Variants in U2AF2 observed in about 807,000 individuals in gnomAD.
U2AF2 encodes splicing factor U2AF 65 kDa subunit.
A neutral mutation model predicts 52.6 loss-of-function variants in U2AF2; 6 were observed. That is an observed-to-expected ratio of 0.11 (90% CI 0.06 to 0.23). The LOEUF (loss-of-function observed/expected upper bound fraction) is 0.23, where lower values mean the gene tolerates loss of function less well. Ranked by LOEUF, U2AF2 falls within the 10% of genes least tolerant of loss-of-function variation. The probability of loss-of-function intolerance (pLI) is 1.00; values close to 1 mark genes in which losing one functional copy is unlikely to be tolerated. For synonymous variants in U2AF2, 284 were observed against 258.2 expected (o/e 1.10, Z -0.96); for missense variants, 222 against 677.1 (o/e 0.33, Z 7.46).
chr19:55,665,692 A>G (rs1286690502), intron 7 of U2AF2, among the ~76,000 whole-genome samples: 2 of 152,200 alleles, frequency 1.3e-5, no homozygotes, highest in Non-Finnish European at 2.9e-5. Flanking sequence ...TGTGTTGCCC[A>G]GGCTGGAGTG....
intron 11 of U2AF2, among the ~76,000 whole-genome samples, chr19:55,670,291 C>G (rs988502239): frequency 6.6e-6 from 1 of 152,092 alleles, no homozygotes; most frequent in South Asian, 2.1e-4. Context: ...ATCACCTCAC[C>G]TCTCTGCCTC....
chr19:55,667,444 G>GT lies in U2AF2; in HGVS notation c.743-1061dup, dbSNP rs1984615229. ...CTGATATCTGACAGGACGGCGTCAA[G>GT]TTACATTGGCAGAGCCTGTGGGGTC... On this transcript the variant is annotated intron_variant, in intron 7 of 11. Transcript: ENST00000308924. Among the ~76,000 whole-genome samples, 3 of 152,280 alleles carry GT rather than the reference G, an allele frequency of 2.0e-5. No homozygotes were observed. In the South Asian group the frequency reaches 6.2e-4, roughly 32 times the overall value.
intron 11 of U2AF2, among the ~76,000 whole-genome samples, chr19:55,672,599 T>A (rs1477191449): frequency 3.3e-5 from 5 of 152,198 alleles, no homozygotes; most frequent in African/African-American, 1.2e-4. Flanking sequence ...CCTCCTCCAG[T>A]TGACAACCAC....
At position 55,668,937 on chromosome 19, in the gene U2AF2, A is replaced by G. The variant is rs1056520338; in HGVS notation, c.945+145A>G. On this transcript the variant is annotated intron_variant, in intron 9 of 11. Transcript: ENST00000308924. The surrounding 1 kb of genome is among the most constrained non-coding windows in gnomAD (Gnocchi z 5.5). ...CTGTGTGTGGGCTCGTCCCTGTCCC[A>G]TGGCGTTGGCTTTTTCCAGGCTCTT... is the stretch of plus-strand genomic sequence containing the variant. 2.0e-5 allele frequency: 30 copies of G among 1,499,018 alleles called. No individual in the cohort carries two copies. Among genetic ancestry groups the G allele is most frequent in the Admixed American group, 1.7e-4 (9 of 51,470 alleles). 92.9% of individuals were successfully genotyped at this position (1,499,018 alleles called of 1,614,324 possible).
Position 55,669,761 on chromosome 19 carries a change from C to A in U2AF2, c.1293+69C>A, listed in dbSNP as rs925424611. ...CCTCTTCTCCGCGCCCTCTTTCTTCCTCTCTTGCTCCCTCACCCTCTCCCC... is the reference window on the plus strand; with the variant it reads ...CCTCTTCTCCGCGCCCTCTTTCTTCATCTCTTGCTCCCTCACCCTCTCCCC... On this transcript the variant is annotated intron_variant, in intron 11 of 11. Transcript: ENST00000308924. 2.0e-6 allele frequency: 3 copies of A among 1,491,956 alleles called. No individual in the cohort carries two copies. The African/African-American group carries it at 4.2e-5, about 21-fold the overall frequency. 92.4% of individuals were successfully genotyped at this position (1,491,956 alleles called of 1,614,324 possible).
chr19:55,659,143 C>T (rs986262701), intron 1 of U2AF2, 67 bp from the exon 2 acceptor site: 19 of 1,438,116 alleles, frequency 1.3e-5, no homozygotes, highest in Non-Finnish European at 1.7e-5. Flanking sequence ...GCCACCAGCG[C>T]GCAGGGTGGG....
intron 5 of U2AF2, 121 bp downstream of exon 5, chr19:55,661,310 C>T: frequency 2.6e-6 from 3 of 1,167,558 alleles, no homozygotes; most frequent in South Asian, 2.0e-5. Flanking sequence ...ACCCCCCGGC[C>T]CCCTCCCAGA....
At position 55,663,135 on chromosome 19, in the gene U2AF2, A is replaced by G. The variant is rs146701728; in HGVS notation, c.604-471A>G. Among the ~76,000 whole-genome samples, 167 of 152,182 alleles carry G rather than the reference A, an allele frequency of 1.1e-3. 1 individual carries two copies. The highest frequency in any genetic ancestry group is 3.9e-3 in the African/African-American group (162 of 41,510). On this transcript the variant is annotated intron_variant, in intron 6 of 11. Transcript: ENST00000308924. ...GTGAAGGTGTGGGCAGTGTTAGCTT[A>G]CTGCAGAGATTTCTGAGCACTCCCT...
chr19:55,657,631 C>T (rs1164526841), intron 1 of U2AF2, among the ~76,000 whole-genome samples: 5 of 152,210 alleles, frequency 3.3e-5, no homozygotes, highest in Non-Finnish European at 5.9e-5. Context: ...CTCTACACTG[C>T]TGGCCTGTCC....
intron 7 of U2AF2, 164 bp downstream of exon 7, chr19:55,663,908 C>G: frequency 9.5e-7 from 1 of 1,049,834 alleles, no homozygotes; most frequent in Non-Finnish European, 1.3e-6. Context: ...GGGGTGCTCT[C>G]CTGCTGGTAG....
chr19:55,655,214 C>T, intron 1 of U2AF2, 61 bp downstream of exon 1: 1 of 1,540,172 alleles, frequency 6.5e-7, no homozygotes, highest in Non-Finnish European at 8.8e-7. Context: ...CTCTTTGCCC[C>T]CCCGCCATTT....
intron 6 of U2AF2, among the ~76,000 whole-genome samples, chr19:55,663,271 C>G (rs10401552): frequency 4.5e-4 from 68 of 152,310 alleles, no homozygotes; most frequent in African/African-American, 1.6e-3. Context: ...GTCCCCCTCA[C>G]CAGAAAGACT....
intron 11 of U2AF2, among the ~76,000 whole-genome samples, chr19:55,672,485 G>A (rs896748388): frequency 2.0e-5 from 3 of 152,016 alleles, no homozygotes; most frequent in African/African-American, 7.3e-5. Context: ...AGGATATTGA[G>A]ATGTATCCCC....
chr19:55,656,603 T>G (rs1376218509), intron 1 of U2AF2, among the ~76,000 whole-genome samples: 2 of 152,258 alleles, frequency 1.3e-5, no homozygotes, highest in African/African-American at 4.8e-5. Context: ...GCGCTTACCG[T>G]GTGCCAGGCT....
intron 5 of U2AF2, among the ~76,000 whole-genome samples, chr19:55,661,561 G>GT (rs1984205432): frequency 6.7e-6 from 1 of 149,142 alleles, no homozygotes; most frequent in Admixed American, 6.7e-5. Flanking sequence ...CTGCCCCTCA[G>GT]TTTTTTTCTG....
chr19:55,672,320 T>A (rs554200386), intron 11 of U2AF2, among the ~76,000 whole-genome samples: 4 of 152,324 alleles, frequency 2.6e-5, no homozygotes, highest in Admixed American at 2.6e-4. Context: ...AATTTTCATA[T>A]TCAGCTTATT....
At chr19:55,659,027 C>T (rs1983979941) in intron 1 of U2AF2, 183 bp from the exon 2 acceptor site, 1 of 942,696 alleles carries the variant, frequency 1.1e-6, no homozygotes, top group East Asian at 3.3e-5. Flanking sequence ...CCCCCTGGTC[C>T]CCTCATGGTC....
chr19:55,659,365 C>A lies in U2AF2; in HGVS notation c.185+20C>A. On this transcript the variant is annotated intron_variant, in intron 2 of 11. Transcript: ENST00000308924. ...ACGCAGGTACTAGGGCTCAGGGATCCCCTGGGCCAGCCTGGGAGTCGGGGG... is the reference window on the plus strand; with the variant it reads ...ACGCAGGTACTAGGGCTCAGGGATCACCTGGGCCAGCCTGGGAGTCGGGGG... 2 of 1,470,242 alleles carry A rather than the reference C, an allele frequency of 1.4e-6. No individual in the cohort carries two copies. The highest frequency in any genetic ancestry group is 2.7e-5 in the East Asian group (1 of 37,544). The allele number at this position is 1,470,242 out of a possible 1,614,324, so 91.1% of individuals were successfully genotyped here. A position where few individuals can be genotyped will look rare whatever the true frequency, so the allele number is the denominator to read the frequency against.
intron 5 of U2AF2, 160 bp downstream of exon 5, chr19:55,661,349 G>T (rs1402020827): frequency 5.2e-6 from 4 of 775,600 alleles, no homozygotes; most frequent in Non-Finnish European, 7.4e-6. Context: ...CCAGCCAGGG[G>T]CCGGGCTGGG....
Sources: gnomAD v4.1 joint callset for allele counts (sites outside exome capture counted in the v4.1 genomes callset) on GRCh38, gnomAD v4.1.1 for gene constraint, Gnocchi (gnomAD v3.1) non-coding constraint, MANE v1.5 for transcripts, NCBI Gene and HGNC (gene_info 2026-07-23, HGNC 2026-07-21) for gene names.